Variants in NPTN observed in about 807,000 individuals in gnomAD.
The protein encoded by NPTN is neuroplastin, also known as SDR-1.
In NPTN, 5 loss-of-function variants were observed where a neutral mutation model predicts 42.7. The observed-to-expected ratio is 0.12, with a 90% CI of 0.06 to 0.25. The LOEUF is 0.25. NPTN is among the 10% of genes least tolerant of loss of function. The pLI is 1.00. For missense variants in NPTN, 307 were observed against 525.4 expected (o/e 0.58, Z 4.06); for synonymous variants, 180 against 201.9 (o/e 0.89, Z 0.92).
At position 73,569,147 on chromosome 15, in the gene NPTN, T is replaced by A; in HGVS notation, c.1114+1003A>T. On this transcript the variant is annotated intron_variant, in intron 6 of 8. Transcript: ENST00000345330. This position sits in a 1 kb window ranked among gnomAD's most constrained non-coding sequence, Gnocchi z 4.1. ...CCCAGGGGCACACCCATCTGTCTAG[T>A]CTAGCCAGGGACAGACTAGTGGTGG... 1.0e-6 allele frequency: 1 copy of A among 985,514 alleles called. No homozygotes were observed. The highest frequency in any genetic ancestry group is 1.2e-6 in the Non-Finnish European group (1 of 830,006). 61.0% of individuals were successfully genotyped at this position (985,514 alleles called of 1,614,324 possible).
chr15:73,601,739 C>G (rs560356435), intron 1 of NPTN, among the ~76,000 whole-genome samples: 2 of 152,326 alleles, frequency 1.3e-5, no homozygotes, highest in Admixed American at 1.3e-4. Flanking sequence ...GGGCCCAGAT[C>G]TGCAAGAGTT....
intron 4 of NPTN, among the ~76,000 whole-genome samples, chr15:73,580,235 G>A (rs1895916652): frequency 1.3e-5 from 2 of 151,174 alleles, no homozygotes; most frequent in Non-Finnish European, 2.9e-5. Context: ...AACATGCGAG[G>A]AGGGAGACCA....
chr15:73,595,708 C>A (rs1896805372), intron 2 of NPTN, among the ~76,000 whole-genome samples: 1 of 152,164 alleles, frequency 6.6e-6, no homozygotes, highest in African/African-American at 2.4e-5. Flanking sequence ...AGGTGAAAAA[C>A]CCAGAGGATC....
At chr15:73,578,333 G>A (rs187989996) in intron 4 of NPTN, among the ~76,000 whole-genome samples, 81 of 152,140 alleles carry the variant, frequency 5.3e-4, no homozygotes, top group Non-Finnish European at 6.6e-4. Flanking sequence ...GACCAAGCAG[G>A]AGGCTATTAC....
In NPTN at chr15:73,633,344, T is replaced by G; in HGVS notation, c.-129A>C. 1.5e-6 allele frequency: 1 copy of G among 645,256 alleles called. No individual in the cohort carries two copies. The highest frequency in any genetic ancestry group is 2.4e-6 in the Non-Finnish European group (1 of 416,436). 40.0% of individuals were successfully genotyped at this position (645,256 alleles called of 1,614,324 possible). A position where few individuals can be genotyped will look rare whatever the true frequency, so the allele number is the denominator to read the frequency against. On this transcript the variant is annotated 5_prime_UTR_variant, in exon 1 of 9. Coordinates refer to ENST00000345330, the MANE Select transcript of NPTN (RefSeq NM_012428.4). ...GCGAGGGAGGCAGCCGCGGCTCGGC[T>G]CCGTCCTTCCCCGTCCTCCTCCTGC...
chr15:73,588,790 C>T (rs1190845772), intron 3 of NPTN, among the ~76,000 whole-genome samples: 2 of 152,200 alleles, frequency 1.3e-5, no homozygotes, highest in African/African-American at 4.8e-5. Context: ...CTTCACAATA[C>T]TTATCATGTG....
intron 1 of NPTN, among the ~76,000 whole-genome samples, chr15:73,609,078 A>C (rs985191298): frequency 1.3e-5 from 2 of 152,206 alleles, no homozygotes; most frequent in East Asian, 3.9e-4. Flanking sequence ...TTTCTACATA[A>C]TTATACTTCT....
At chr15:73,602,471 G>A (rs1180033332) in intron 1 of NPTN, among the ~76,000 whole-genome samples, 1 of 152,196 alleles carries the variant, frequency 6.6e-6, no homozygotes, top group African/African-American at 2.4e-5. Flanking sequence ...AAGACCCACT[G>A]ACATCTAAAC....
At chr15:73,565,784 C>T (rs757967830) in intron 6 of NPTN, 1 of 456,458 alleles carries the variant, frequency 2.2e-6, no homozygotes, top group Non-Finnish European at 4.4e-6. Context: ...GGAACTGTAG[C>T]ACACACTGAT....
rs1441517601 is a variant in NPTN at position 73,597,497 on chromosome 15, G to C, written c.92-128C>G. ...AAATGAGTTGCAAAGAACAAAAAAG[G>C]ATTCATTTTTAAACTATAAAGAGAC... On this transcript the variant is annotated intron_variant, in intron 1 of 8. Transcript: ENST00000345330. The surrounding 1 kb of genome is among the most constrained non-coding windows in gnomAD (Gnocchi z 6.3). 2.8e-6 allele frequency: 2 copies of C among 718,242 alleles called. No individual in the cohort carries two copies. The highest frequency in any genetic ancestry group is 4.5e-6 in the Non-Finnish European group (2 of 440,414). 44.5% of individuals were successfully genotyped at this position (718,242 alleles called of 1,614,324 possible). A position where few individuals can be genotyped will look rare whatever the true frequency, so the allele number is the denominator to read the frequency against.
Position 73,569,056 on chromosome 15 carries a change from C to G in NPTN, c.1114+1094G>C, listed in dbSNP as rs1240628133. On this transcript the variant is annotated intron_variant, in intron 6 of 8. Coordinates refer to ENST00000345330, the MANE Select transcript of NPTN (RefSeq NM_012428.4). This position sits in a 1 kb window ranked among gnomAD's most constrained non-coding sequence, Gnocchi z 4.1. ...ATACAGCACCACAGGTGCACAAACA[C>G]AGGCCCCAGAACAGCTGGACTACAG... 2.0e-6 allele frequency: 2 copies of G among 985,446 alleles called. No individual in the cohort carries two copies. The highest frequency in any genetic ancestry group is 2.3e-4 in the East Asian group (2 of 8,832). The allele number at this position is 985,446 out of a possible 1,614,324, so 61.0% of individuals were successfully genotyped here. A position where few individuals can be genotyped will look rare whatever the true frequency, so the allele number is the denominator to read the frequency against.
chr15:73,632,745 A>C, intron 1 of NPTN: 4 of 184,806 alleles, frequency 2.2e-5, no homozygotes, highest in Non-Finnish European at 4.5e-5. Context: ...GTCGCCCGGA[A>C]CACAAACGCC....
At chr15:73,619,020 C>T (rs891249926) in intron 1 of NPTN, among the ~76,000 whole-genome samples, 1 of 148,216 alleles carries the variant, frequency 6.7e-6, no homozygotes, top group Non-Finnish European at 1.5e-5. Flanking sequence ...GATCATACCA[C>T]TGCACTCCAG....
chr15:73,563,332 A>C, intron 6 of NPTN, 75 bp from the exon 7 acceptor site: 12 of 1,590,954 alleles, frequency 7.5e-6, no homozygotes, highest in Non-Finnish European at 1.0e-5. Flanking sequence ...ATTCTGCATA[A>C]GGATTAACAG....
chr15:73,616,418 C>T (rs1381084713), intron 1 of NPTN, among the ~76,000 whole-genome samples: 1 of 152,082 alleles, frequency 6.6e-6, no homozygotes, highest in Non-Finnish European at 1.5e-5. Context: ...TTGAAAACTC[C>T]TAAATCTAAT....
At chr15:73,604,899 GAGGA>G (rs1191390791) in intron 1 of NPTN, among the ~76,000 whole-genome samples, 2 of 152,272 alleles carry the variant, frequency 1.3e-5, no homozygotes, top group African/African-American at 4.8e-5. Flanking sequence ...GCTGAGGTGG[GAGGA>G]CTGCACCAGT....
intron 1 of NPTN, among the ~76,000 whole-genome samples, chr15:73,599,301 A>G (rs1441869393): frequency 6.6e-6 from 1 of 152,136 alleles, no homozygotes; most frequent in African/African-American, 2.4e-5. Context: ...GTCAAAGTCA[A>G]TGCCAGCTAA....
At chr15:73,632,769 C>T (rs1277168067) in intron 1 of NPTN, 1 of 222,774 alleles carries the variant, frequency 4.5e-6, no homozygotes, top group Non-Finnish European at 8.8e-6. Context: ...CTTGTGCCAC[C>T]CTCCCTAAGA....
intron 4 of NPTN, among the ~76,000 whole-genome samples, chr15:73,583,762 G>A (rs1170141926): frequency 6.6e-6 from 1 of 152,154 alleles, no homozygotes; most frequent in Non-Finnish European, 1.5e-5. Context: ...CAACCTCTAC[G>A]CATCCTCACC....
Sources: allele counts gnomAD v4.1 joint callset (sites outside exome capture counted in the v4.1 genomes callset), GRCh38; gene constraint gnomAD v4.1.1; non-coding constraint Gnocchi (gnomAD v3.1); transcripts MANE v1.5; gene names NCBI Gene and HGNC (gene_info 2026-07-23, HGNC 2026-07-21).